The following ABCA13 variants were observed in gnomAD, a reference collection of about 807,000 sequenced individuals.
ABCA13 encodes ATP-binding cassette sub-family A member 13.
ABCA13 carries 476 observed loss-of-function variants against 478.7 expected under a neutral mutation model. The observed-to-expected ratio is 0.99, with a 90% confidence interval of 0.92 to 1.07. The LOEUF (loss-of-function observed/expected upper bound fraction) is 1.07, where lower values mean the gene tolerates loss of function less well. ABCA13 is among the 50% of genes least tolerant of loss of function. ABCA13 has a pLI of 0.00. For missense variants in ABCA13, 6,060 were observed against 5,910.6 expected (o/e 1.03, Z -0.83); for synonymous variants, 2,252 against 2,158.9 (o/e 1.04, Z -1.20).
In ABCA13 at chr7:48,231,922, A is replaced by C. The variant is rs549481746; in HGVS notation, c.763+1967A>C. On this transcript the variant is annotated intron_variant, in intron 7 of 61. Transcript: ENST00000435803. ...GGTGATCTGCCCTCCTCGGCCTCCC[A>C]AAGTGCTGGGATTACAGGCGTGAGC... Among the ~76,000 whole-genome samples, 4 of 152,078 alleles carry C rather than the reference A, an allele frequency of 2.6e-5. No individual in the cohort carries two copies. In the South Asian group the frequency reaches 8.3e-4, roughly 31 times the overall value.
rs1380925438 is a variant in ABCA13 at position 48,274,971 on chromosome 7, C to G, written c.5305C>G (p.Leu1769Val). Residue 1769 changes from leucine (L) to valine (V), a missense_variant, in exon 17 of 62, where the codon CTC (leucine) becomes GTC (valine). Leu to Val is a conservative substitution (Grantham distance 32). Coordinates refer to ENST00000435803, the MANE Select transcript of ABCA13 (RefSeq NM_152701.5). ...GVPGKNITEG[L>V]KDVYSFTLLH... is the part of the protein sequence containing the mutation. ...ACCTGGTAAAAACATCACTGAAGGCCTCAAGGATGTCTACAGCTTCACACT... is the reference window on the plus strand; with the variant it reads ...ACCTGGTAAAAACATCACTGAAGGCGTCAAGGATGTCTACAGCTTCACACT... 6.2e-7 allele frequency: 1 copy of G among 1,613,750 alleles called. No homozygotes were observed. The highest frequency in any genetic ancestry group is 1.3e-5 in the African/African-American group (1 of 74,900).
intron 15 of ABCA13, among the ~76,000 whole-genome samples, chr7:48,253,331 A>G (rs1792862220): frequency 6.6e-6 from 1 of 152,208 alleles, no homozygotes; most frequent in South Asian, 2.1e-4. Context: ...TAGGCAAGCC[A>G]AATATTGCCA....
chr7:48,229,993 G>GT, intron 7 of ABCA13, 38 bp downstream of exon 7: 1 of 1,582,232 alleles, frequency 6.3e-7, no homozygotes, highest in Non-Finnish European at 8.6e-7. Flanking sequence ...ATTTCAAAAC[G>GT]TTTAACTACT....
intron 44 of ABCA13, among the ~76,000 whole-genome samples, chr7:48,470,128 T>A (rs1019499140): frequency 6.6e-6 from 1 of 152,216 alleles, no homozygotes; most frequent in South Asian, 2.1e-4. Context: ...AAAGAAAAAT[T>A]ATGTAGAAAC....
intron 15 of ABCA13, among the ~76,000 whole-genome samples, chr7:48,256,930 T>C (rs559896310): frequency 1.3e-5 from 2 of 152,148 alleles, no homozygotes; most frequent in Non-Finnish European, 2.9e-5. Flanking sequence ...TTGATTCTTC[T>C]TATCCATGAA....
chr7:48,324,957 GC>G (rs1302905719), intron 27 of ABCA13, among the ~76,000 whole-genome samples: 6 of 152,196 alleles, frequency 3.9e-5, no homozygotes, highest in Non-Finnish European at 1.5e-5. Context: ...GCTTCGAATT[GC>G]TTTCTTAATT....
rs897609188 is a variant in ABCA13, at chr7:48,216,524, T to C, written c.288-2830T>C. ...ATTAGATATATGATTTCCACATCTT[T>C]CCCCCCCATTTTCTGGGTTATCTTT... On this transcript the variant is annotated intron_variant, in intron 3 of 61. Transcript: ENST00000435803. Among the ~76,000 whole-genome samples the C allele has an allele frequency of 5.5e-4, 84 of 152,238 alleles. 1 individual carries two copies. Among genetic ancestry groups the C allele is most frequent in the African/African-American group, 1.9e-3 (81 of 41,566 alleles).
intron 56 of ABCA13, 118 bp from the exon 57 acceptor site, chr7:48,587,036 T>C: frequency 7.6e-7 from 1 of 1,324,204 alleles, no homozygotes; most frequent in South Asian, 1.3e-5. Flanking sequence ...TACTTGATTG[T>C]ATGTGTGAAG....
intron 27 of ABCA13, among the ~76,000 whole-genome samples, chr7:48,317,695 C>T (rs981929346): frequency 2.0e-5 from 3 of 152,158 alleles, no homozygotes; most frequent in Admixed American, 2.0e-4. Flanking sequence ...TACATACAAA[C>T]TGATGTATTA....
At chr7:48,537,873 GA>G (rs1833689069) in intron 55 of ABCA13, among the ~76,000 whole-genome samples, 1 of 152,056 alleles carries the variant, frequency 6.6e-6, no homozygotes, top group Non-Finnish European at 1.5e-5. Context: ...AACTGGTGGG[GA>G]GGTTGTTTAC....
rs183008254 is a variant in ABCA13, at chr7:48,312,038, A to G, written c.9517-1029A>G. On this transcript the variant is annotated intron_variant, in intron 24 of 61. Coordinates refer to ENST00000435803, the MANE Select transcript of ABCA13 (RefSeq NM_152701.5). Reference sequence around the variant, plus strand: ...ATGAGTAGAAGAAGTGACAAAAGCTACACACCATTTCTCCTGCTAGAGTTG... The same window carrying G: ...ATGAGTAGAAGAAGTGACAAAAGCTGCACACCATTTCTCCTGCTAGAGTTG... Among the ~76,000 whole-genome samples the G allele has an allele frequency of 1.8e-4, 28 of 152,290 alleles. No homozygotes were observed. The East Asian group carries it at 5.0e-3, about 27-fold the overall frequency.
chr7:48,293,735 T>C (rs1193011592), intron 20 of ABCA13, among the ~76,000 whole-genome samples: 1 of 151,304 alleles, frequency 6.6e-6, no homozygotes, highest in East Asian at 1.9e-4. Flanking sequence ...AATTAATAGG[T>C]ATTATTCTAA....
At chr7:48,210,826 G>A (rs1785543907) in intron 3 of ABCA13, among the ~76,000 whole-genome samples, 1 of 152,064 alleles carries the variant, frequency 6.6e-6, no homozygotes, top group Non-Finnish European at 1.5e-5. Flanking sequence ...GCTGTTGGAT[G>A]GAATGTTCTG....
intron 55 of ABCA13, among the ~76,000 whole-genome samples, chr7:48,554,618 T>C (rs922376345): frequency 1.3e-5 from 2 of 151,754 alleles, no homozygotes; most frequent in African/African-American, 4.8e-5. Context: ...TGATTTCTTT[T>C]TCAGATTGTT....
At chr7:48,493,021 A>C (rs1396022316) in intron 48 of ABCA13, among the ~76,000 whole-genome samples, 1 of 152,108 alleles carries the variant, frequency 6.6e-6, no homozygotes, top group East Asian at 1.9e-4. Flanking sequence ...TAAATAAATA[A>C]ATAAATAACC....
intron 19 of ABCA13, among the ~76,000 whole-genome samples, 151 bp downstream of exon 19, chr7:48,281,603 C>A (rs1451225546): frequency 6.6e-6 from 1 of 152,140 alleles, no homozygotes; most frequent in Non-Finnish European, 1.5e-5. Context: ...GGGATCTGCC[C>A]CTCCCAACCT....
chr7:48,561,010 C>T (rs1786396617), intron 55 of ABCA13, among the ~76,000 whole-genome samples: 1 of 152,036 alleles, frequency 6.6e-6, no homozygotes, highest in Non-Finnish European at 1.5e-5. Flanking sequence ...TAATTCTGTC[C>T]ATATCATCAC....
At chr7:48,587,601 A>G (rs2131396964) in intron 57 of ABCA13, among the ~76,000 whole-genome samples, 1 of 152,346 alleles carries the variant, frequency 6.6e-6, no homozygotes, top group African/African-American at 2.4e-5. Context: ...GTTTTCCTCT[A>G]GAATATTGCT....
chr7:48,491,135 G>A (rs1918579), intron 48 of ABCA13, among the ~76,000 whole-genome samples: 25,074 of 152,194 alleles, frequency 0.16, 2,272 homozygotes, highest in East Asian at 0.3. Flanking sequence ...CAAGGAAGGG[G>A]CGAGGTGATT....
Sources: allele counts gnomAD v4.1 joint callset (sites outside exome capture counted in the v4.1 genomes callset), GRCh38; gene constraint gnomAD v4.1.1; transcripts MANE v1.5; gene names NCBI Gene and HGNC (gene_info 2026-07-23, HGNC 2026-07-21).